Variants in RUNX2 observed in about 807,000 individuals in gnomAD.
RUNX2 encodes the protein RUNX family transcription factor 2, also known as runt-related transcription factor 2.
In RUNX2, 10 loss-of-function variants were observed where a neutral mutation model predicts 51.7. The observed-to-expected ratio is 0.19, with a 90% CI of 0.12 to 0.33. The LOEUF (loss-of-function observed/expected upper bound fraction) is 0.33. RUNX2 is among the 10% of genes least tolerant of loss of function. The probability of loss-of-function intolerance (pLI) is 1.00; values close to 1 mark genes in which losing one functional copy is unlikely to be tolerated. For missense variants in RUNX2, 562 were observed against 691.3 expected (o/e 0.81, Z 2.10); for synonymous variants, 276 against 273.6 (o/e 1.01, Z -0.09).
chr6:45,414,754 C>CTTTT lies in RUNX2; in HGVS notation c.59-7812_59-7809dup, dbSNP rs34672680. Among the ~76,000 whole-genome samples, 65 of 33,448 alleles carry CTTTT rather than the reference C, an allele frequency of 1.9e-3. 14 individuals are homozygous for CTTTT. Among genetic ancestry groups the CTTTT allele is most frequent in the Middle Eastern group, 0.056 (2 of 36 alleles). 21.9% of individuals were successfully genotyped at this position (33,448 alleles called of 152,430 possible). A position where few individuals can be genotyped will look rare whatever the true frequency, so the allele number is the denominator to read the frequency against. On this transcript the variant is annotated intron_variant, in intron 2 of 8. Coordinates refer to ENST00000647337, the MANE Select transcript of RUNX2 (RefSeq NM_001024630.4). ...ATCTCTCCACCTTCCCAGATCCTGG[C>CTTTT]TTTTTTTTTTTTTTTTTTTTTTTTT...
chr6:45,348,628 T>A (rs1461756806), intron 2 of RUNX2, among the ~76,000 whole-genome samples: 1 of 133,654 alleles, frequency 7.5e-6, no homozygotes, highest in East Asian at 2.1e-4. Flanking sequence ...TGAGCCAAGA[T>A]CCCACCACTG....
chr6:45,501,289 G>A (rs1323125262), intron 6 of RUNX2, among the ~76,000 whole-genome samples: 1 of 152,216 alleles, frequency 6.6e-6, no homozygotes, highest in Non-Finnish European at 1.5e-5. Context: ...GTCAGTCCAT[G>A]AAAAACTCTG....
At chr6:45,338,632 A>G (rs947125359) in intron 2 of RUNX2, among the ~76,000 whole-genome samples, 1 of 152,120 alleles carries the variant, frequency 6.6e-6, no homozygotes, top group African/African-American at 2.4e-5. Context: ...AAAAATAATA[A>G]TACTATCTTT....
intron 7 of RUNX2, among the ~76,000 whole-genome samples, chr6:45,516,986 C>T (rs1801350338): frequency 6.6e-6 from 1 of 152,048 alleles, no homozygotes; most frequent in Non-Finnish European, 1.5e-5. Flanking sequence ...CACTATCCCA[C>T]TCATTTGAGT....
At chr6:45,368,971 AAAT>A (rs982987518) in intron 2 of RUNX2, among the ~76,000 whole-genome samples, 2 of 150,400 alleles carry the variant, frequency 1.3e-5, no homozygotes, top group Non-Finnish European at 3.0e-5. Context: ...CTGATGTGAA[AAAT>A]AATACCAAAT....
chr6:45,404,273 AAGAAAAAGAAAAAAGAAAAAAAAAAGG>A (rs1797784167), intron 2 of RUNX2, among the ~76,000 whole-genome samples: 2 of 139,428 alleles, frequency 1.4e-5, no homozygotes, highest in African/African-American at 5.4e-5. Context: ...AAAAAAAAAA[AAGAAAAAGAAAAAAGAAAAAAAAAAGG>A]AAAAAAAAGA....
intron 2 of RUNX2, among the ~76,000 whole-genome samples, chr6:45,383,468 G>T (rs1797284298): frequency 1.3e-5 from 2 of 152,068 alleles, no homozygotes; most frequent in South Asian, 4.2e-4. Context: ...TTAAGGAAAT[G>T]AGAACTTTGA....
intron 5 of RUNX2, among the ~76,000 whole-genome samples, chr6:45,473,171 C>T (rs961875213): frequency 1.3e-5 from 2 of 152,102 alleles, no homozygotes; most frequent in Admixed American, 1.3e-4. Flanking sequence ...ATTTTATTTT[C>T]CTATTCTCTT....
intron 5 of RUNX2, among the ~76,000 whole-genome samples, chr6:45,474,291 A>T (rs1358923877): frequency 1.3e-5 from 2 of 152,068 alleles, no homozygotes; most frequent in Non-Finnish European, 2.9e-5. Flanking sequence ...TTTAGTTTGT[A>T]TAATGGCTAG....
chr6:45,516,697 G>A (rs953067303), intron 7 of RUNX2, among the ~76,000 whole-genome samples: 8 of 152,182 alleles, frequency 5.3e-5, no homozygotes, highest in Non-Finnish European at 2.9e-5. Context: ...TATATGACCC[G>A]AACCACTGCA....
At chr6:45,506,023 C>G (rs1006593161) in intron 6 of RUNX2, among the ~76,000 whole-genome samples, 5 of 152,124 alleles carry the variant, frequency 3.3e-5, no homozygotes, top group African/African-American at 1.2e-4. Context: ...TTAACCTGAA[C>G]TCTTAATAGC....
intron 5 of RUNX2, among the ~76,000 whole-genome samples, chr6:45,458,736 C>T (rs1033682700): frequency 2.0e-5 from 3 of 152,278 alleles, no homozygotes; most frequent in East Asian, 3.9e-4. Flanking sequence ...CTACATAAAA[C>T]TCATATGTAA....
intron 5 of RUNX2, among the ~76,000 whole-genome samples, chr6:45,477,566 T>C (rs966599393): frequency 7.2e-5 from 11 of 152,208 alleles, no homozygotes; most frequent in Admixed American, 6.5e-4. Context: ...ACCAGAAACC[T>C]GAGACTCACC....
intron 2 of RUNX2, among the ~76,000 whole-genome samples, chr6:45,339,292 C>T (rs918081400): frequency 6.6e-6 from 1 of 152,126 alleles, no homozygotes; most frequent in Admixed American, 6.6e-5. Context: ...TGGGGAAGAG[C>T]AGCTTGTGGA....
chr6:45,421,996 A>C, intron 2 of RUNX2: 1 of 148,760 alleles, frequency 6.7e-6, no homozygotes, highest in Non-Finnish European at 1.5e-5. Flanking sequence ...CGCGGGAGGA[A>C]TCTGAGCGTG....
chr6:45,380,427 C>G (rs1251831090), intron 2 of RUNX2, among the ~76,000 whole-genome samples: 1 of 152,208 alleles, frequency 6.6e-6, no homozygotes, highest in African/African-American at 2.4e-5. Context: ...TTCACGTAGA[C>G]TCACTAGTGC....
intron 2 of RUNX2, among the ~76,000 whole-genome samples, chr6:45,381,340 T>C (rs953246453): frequency 2.0e-5 from 3 of 152,182 alleles, no homozygotes; most frequent in Non-Finnish European, 4.4e-5. Context: ...TCCTTCAAAA[T>C]GGGAATAGCC....
intron 2 of RUNX2, among the ~76,000 whole-genome samples, chr6:45,335,879 C>A (rs775204580): frequency 1.3e-5 from 2 of 151,158 alleles, no homozygotes; most frequent in Admixed American, 6.6e-5. Flanking sequence ...CAGCTTTTGA[C>A]AAAATGCAGA....
chr6:45,358,710 A>G (rs1019067692), intron 2 of RUNX2, among the ~76,000 whole-genome samples: 2 of 152,202 alleles, frequency 1.3e-5, no homozygotes, highest in African/African-American at 4.8e-5. Flanking sequence ...TGTATTGCAG[A>G]ATATAAAGTT....
Sources: allele counts gnomAD v4.1 joint callset (sites outside exome capture counted in the v4.1 genomes callset), GRCh38; gene constraint gnomAD v4.1.1; transcripts MANE v1.5; gene names NCBI Gene and HGNC (gene_info 2026-07-23, HGNC 2026-07-21).